The following DLGAP1 variants were observed in gnomAD, a reference collection of about 807,000 sequenced individuals.
DLGAP1 encodes disks large-associated protein 1.
A neutral mutation model predicts 90.8 loss-of-function variants in DLGAP1; 11 were observed. The ratio of observed to expected loss-of-function variants is 0.12; its 90% CI spans 0.08 to 0.20. DLGAP1 has a LOEUF of 0.20. DLGAP1 is among the 10% of genes least tolerant of loss of function. DLGAP1 has a pLI of 1.00. For synonymous variants in DLGAP1, 558 were observed against 540.7 expected (o/e 1.03, Z -0.44); for missense variants, 1,050 against 1,333.8 (o/e 0.79, Z 3.31).
intron 2 of DLGAP1, among the ~76,000 whole-genome samples, chr18:4,042,591 T>C (rs1447574967): frequency 6.6e-6 from 1 of 152,080 alleles, no homozygotes; most frequent in Non-Finnish European, 1.5e-5. Context: ...TACAAAAAAT[T>C]AGCTGGTCAG....
At chr18:4,095,456 CA>C (rs2075661886) in intron 2 of DLGAP1, among the ~76,000 whole-genome samples, 1 of 152,104 alleles carries the variant, frequency 6.6e-6, no homozygotes, top group Non-Finnish European at 1.5e-5. Context: ...GGAAACAGGA[CA>C]AATTGTACTT....
chr18:4,166,356 A>AAT (rs541888008), intron 1 of DLGAP1, among the ~76,000 whole-genome samples: 78 of 151,928 alleles, frequency 5.1e-4, no homozygotes, highest in African/African-American at 1.7e-3. Context: ...GCTGTTATAA[A>AAT]ATATATATAT....
intron 4 of DLGAP1, among the ~76,000 whole-genome samples, chr18:3,876,817 G>T (rs755315616): frequency 6.6e-6 from 1 of 152,100 alleles, no homozygotes; most frequent in Non-Finnish European, 1.5e-5. Context: ...AATCTTTATA[G>T]TAGGAGATCC....
chr18:3,680,245 T>C (rs2060463800), intron 7 of DLGAP1: 1 of 152,298 alleles, frequency 6.6e-6, no homozygotes, highest in South Asian at 2.1e-4. Context: ...CCAAAAGTCA[T>C]TCCAAATTGC....
intron 5 of DLGAP1, among the ~76,000 whole-genome samples, chr18:3,791,658 T>C (rs1182796610): frequency 6.6e-6 from 1 of 152,228 alleles, no homozygotes. Context: ...TTATACACAG[T>C]CATGTATTTT....
intron 11 of DLGAP1, among the ~76,000 whole-genome samples, chr18:3,506,366 G>A (rs1324241843): frequency 6.6e-6 from 1 of 150,898 alleles, no homozygotes; most frequent in Non-Finnish European, 1.5e-5. Flanking sequence ...ATACAAAATT[G>A]GCCGGCTGTG....
At chr18:4,064,023 C>G (rs2075337189) in intron 2 of DLGAP1, among the ~76,000 whole-genome samples, 1 of 152,090 alleles carries the variant, frequency 6.6e-6, no homozygotes, top group African/African-American at 2.4e-5. Flanking sequence ...TTTCACCCAC[C>G]TGGCATGTCC....
chr18:3,866,305 C>G (rs1311071686), intron 4 of DLGAP1, among the ~76,000 whole-genome samples: 3 of 152,140 alleles, frequency 2.0e-5, no homozygotes, highest in Non-Finnish European at 4.4e-5. Flanking sequence ...TTGGGGGGAA[C>G]TTATCAGAGT....
At chr18:3,748,763 G>A (rs1261383820) in intron 5 of DLGAP1, among the ~76,000 whole-genome samples, 2 of 152,198 alleles carry the variant, frequency 1.3e-5, no homozygotes, top group Admixed American at 1.3e-4. Flanking sequence ...TACTTAGTAG[G>A]TGACAGTTCT....
At chr18:4,049,007 G>A (rs750436971) in intron 2 of DLGAP1, among the ~76,000 whole-genome samples, 1 of 152,018 alleles carries the variant, frequency 6.6e-6, no homozygotes, top group Non-Finnish European at 1.5e-5. Context: ...GAGGCAGATC[G>A]CTTGAGGTCA....
intron 1 of DLGAP1, among the ~76,000 whole-genome samples, chr18:4,318,635 G>A (rs988675390): frequency 6.6e-6 from 1 of 151,996 alleles, no homozygotes; most frequent in East Asian, 1.9e-4. Flanking sequence ...GGGATAGCAA[G>A]GTCTCCTTTA....
intron 4 of DLGAP1, among the ~76,000 whole-genome samples, chr18:3,869,125 G>A (rs2070581946): frequency 6.6e-6 from 1 of 150,832 alleles, no homozygotes; most frequent in Non-Finnish European, 1.5e-5. Context: ...CAGACTTAAC[G>A]TATGAAAACA....
chr18:4,059,817 A>G (rs1462354321), intron 2 of DLGAP1, among the ~76,000 whole-genome samples: 4 of 152,230 alleles, frequency 2.6e-5, no homozygotes, highest in Non-Finnish European at 5.9e-5. Context: ...TAGCTTCTTC[A>G]GTCTTTTATA....
At chr18:3,867,117 G>T (rs1471694913) in intron 4 of DLGAP1, among the ~76,000 whole-genome samples, 1 of 152,190 alleles carries the variant, frequency 6.6e-6, no homozygotes, top group Non-Finnish European at 1.5e-5. Context: ...CTCCCAAAGT[G>T]CTGGGATTAC....
chr18:4,404,011 C>G (rs1294014024), intron 1 of DLGAP1, among the ~76,000 whole-genome samples: 2 of 152,088 alleles, frequency 1.3e-5, no homozygotes, highest in African/African-American at 2.4e-5. Context: ...CTTCCCAGTC[C>G]CAGTCAAAAG....
At chr18:4,181,895 A>G (rs2077214807) in intron 1 of DLGAP1, among the ~76,000 whole-genome samples, 1 of 152,190 alleles carries the variant, frequency 6.6e-6, no homozygotes, top group African/African-American at 2.4e-5. Flanking sequence ...GTTTTCTTCC[A>G]TTAGAAGAAA....
chr18:4,280,443 C>A (rs1311823585), intron 1 of DLGAP1, among the ~76,000 whole-genome samples: 2 of 152,186 alleles, frequency 1.3e-5, no homozygotes, highest in South Asian at 2.1e-4. Flanking sequence ...CAAAAGCCCA[C>A]AACTAGTATA....
At chr18:3,633,043 G>T (rs1464224669) in intron 7 of DLGAP1, among the ~76,000 whole-genome samples, 1 of 152,124 alleles carries the variant, frequency 6.6e-6, no homozygotes, top group Non-Finnish European at 1.5e-5. Context: ...TTCCTATTAG[G>T]CTACGCCTTG....
At chr18:3,890,076 AG>A (rs566425275) in intron 3 of DLGAP1, among the ~76,000 whole-genome samples, 50 of 152,298 alleles carry the variant, frequency 3.3e-4, no homozygotes, top group African/African-American at 1.2e-3. Context: ...ATCCAAGTAA[AG>A]GGGACCCTCC....
Sources: gnomAD v4.1 joint callset for allele counts (sites outside exome capture counted in the v4.1 genomes callset) on GRCh38, gnomAD v4.1.1 for gene constraint, MANE v1.5 for transcripts, NCBI Gene and HGNC (gene_info 2026-07-23, HGNC 2026-07-21) for gene names.